Variants in PRKAR2B observed in about 807,000 individuals in gnomAD.
The protein encoded by PRKAR2B is cAMP-dependent protein kinase type II-beta regulatory subunit.
In PRKAR2B, 14 loss-of-function variants were observed where a neutral mutation model predicts 49.9. The observed-to-expected ratio is 0.28, with a 90% CI of 0.19 to 0.44. The LOEUF is 0.44. Among genes scored for constraint, PRKAR2B ranks in the 20% least tolerant of loss-of-function variants. PRKAR2B has a pLI of 1.00. For missense variants in PRKAR2B, 393 were observed against 537.9 expected, an observed-to-expected ratio of 0.73 and a Z score of 2.67; for synonymous variants, 196 against 197.7, an observed-to-expected ratio of 0.99 and a Z score of 0.07.
intron 1 of PRKAR2B, among the ~76,000 whole-genome samples, chr7:107,061,977 A>T (rs536143483): frequency 6.6e-6 from 1 of 152,264 alleles, no homozygotes; most frequent in South Asian, 2.1e-4. Flanking sequence ...ATAGTGAAAA[A>T]ACCACTGTAA....
intron 2 of PRKAR2B, among the ~76,000 whole-genome samples, chr7:107,110,396 G>A (rs1056999771): frequency 1.3e-5 from 2 of 152,058 alleles, no homozygotes; most frequent in Non-Finnish European, 2.9e-5. Flanking sequence ...AGAGCCATTG[G>A]ACTGGAGAGG....
chr7:107,085,666 T>C (rs566753856), intron 2 of PRKAR2B, among the ~76,000 whole-genome samples: 1 of 152,316 alleles, frequency 6.6e-6, no homozygotes, highest in East Asian at 1.9e-4. Flanking sequence ...ATTAAACTTA[T>C]ATCCAATTTT....
intron 1 of PRKAR2B, among the ~76,000 whole-genome samples, chr7:107,056,405 G>T (rs1793912345): frequency 3.3e-5 from 5 of 152,132 alleles, no homozygotes; most frequent in Admixed American, 3.3e-4. Context: ...ATTACCTTGG[G>T]CAGTATGGCC....
At chr7:107,127,834 G>A (rs371562798) in intron 3 of PRKAR2B, among the ~76,000 whole-genome samples, 13 of 152,238 alleles carry the variant, frequency 8.5e-5, no homozygotes, top group African/African-American at 3.1e-4. Context: ...CAAATTTTCA[G>A]TGTAGCTGCT....
chr7:107,076,941 AGGAACATATGCTTCCTTGATTCAC>A (rs1224515221), intron 2 of PRKAR2B, among the ~76,000 whole-genome samples: 1 of 152,212 alleles, frequency 6.6e-6, no homozygotes, highest in Non-Finnish European at 1.5e-5. Flanking sequence ...ATCTGATTCA[AGGAACATATGCTTCCTTGATTCAC>A]GGAACATATG....
At chr7:107,104,024 TC>T (rs1795024061) in intron 2 of PRKAR2B, among the ~76,000 whole-genome samples, 1 of 150,188 alleles carries the variant, frequency 6.7e-6, no homozygotes, top group African/African-American at 2.4e-5. Flanking sequence ...AATGTTTTTT[TC>T]TTTTTTTTTT....
chr7:107,076,276 A>G (rs1240186068), intron 2 of PRKAR2B, among the ~76,000 whole-genome samples: 3 of 152,142 alleles, frequency 2.0e-5, no homozygotes, highest in Non-Finnish European at 2.9e-5. Flanking sequence ...ATACGATACT[A>G]TTATCTCATA....
chr7:107,115,733 C>A (rs1795261661), intron 2 of PRKAR2B, among the ~76,000 whole-genome samples: 1 of 152,122 alleles, frequency 6.6e-6, no homozygotes, highest in Non-Finnish European at 1.5e-5. Context: ...TTTTGATAGT[C>A]ATCAGTGGTA....
chr7:107,066,854 G>C (rs186039153), intron 1 of PRKAR2B: 3,395 of 152,336 alleles, frequency 0.022, 55 homozygotes, highest in Non-Finnish European at 0.032. Context: ...GGGATTACAG[G>C]CGTGGGCCAC....
At chr7:107,153,593 G>A (rs1008154929) in intron 8 of PRKAR2B, among the ~76,000 whole-genome samples, 4 of 152,276 alleles carry the variant, frequency 2.6e-5, no homozygotes, top group African/African-American at 9.6e-5. Flanking sequence ...AGTTTTGCAT[G>A]ATCAGTTCAT....
At chr7:107,112,863 A>T (rs188141757) in intron 2 of PRKAR2B, among the ~76,000 whole-genome samples, 1 of 152,270 alleles carries the variant, frequency 6.6e-6, no homozygotes, top group Non-Finnish European at 1.5e-5. Flanking sequence ...TAGCATCAAT[A>T]ATTTTTTTAG....
chr7:107,066,477 T>TA (rs1794148172), intron 1 of PRKAR2B: 1 of 152,236 alleles, frequency 6.6e-6, no homozygotes, highest in Admixed American at 6.5e-5. Flanking sequence ...TTTTTATATT[T>TA]AAAAAGTGGT....
rs575774507 is a variant in PRKAR2B at position 107,091,913 on chromosome 7, G to T, written c.343+21597G>T. The T allele has an allele frequency of 5.3e-5, 8 of 152,278 alleles. No individual in the cohort carries two copies. In the East Asian group the frequency reaches 1.2e-3, roughly 22 times the overall value. The allele number at this position is 152,278 out of a possible 1,614,324, so 9.4% of individuals were successfully genotyped here. On this transcript the variant is annotated intron_variant, in intron 2 of 10. Transcript: ENST00000265717. ...GCGTTCTGTGTTTCTATGTAGAAGA[G>T]AGTATTTAATCCTAACTCATGTATT...
At chr7:107,086,846 C>T (rs190427678) in intron 2 of PRKAR2B, among the ~76,000 whole-genome samples, 37 of 152,208 alleles carry the variant, frequency 2.4e-4, no homozygotes, top group Non-Finnish European at 4.3e-4. Flanking sequence ...TATCTAATAT[C>T]GAACTATCCT....
At chr7:107,121,261 A>G (rs1795382003) in intron 2 of PRKAR2B, among the ~76,000 whole-genome samples, 1 of 152,086 alleles carries the variant, frequency 6.6e-6, no homozygotes, top group Admixed American at 6.5e-5. Context: ...AATATAGACA[A>G]ATATCGATGC....
intron 1 of PRKAR2B, among the ~76,000 whole-genome samples, chr7:107,047,246 C>A (rs944397889): frequency 2.6e-5 from 4 of 152,204 alleles, no homozygotes; most frequent in Admixed American, 6.5e-5. Flanking sequence ...GTACTTCCTT[C>A]TGTCAGATGC....
At chr7:107,101,861 C>T (rs1356649154) in intron 2 of PRKAR2B, among the ~76,000 whole-genome samples, 1 of 142,232 alleles carries the variant, frequency 7.0e-6, no homozygotes, top group Non-Finnish European at 1.5e-5. Flanking sequence ...TGGTTGATTT[C>T]CAGAGCCCTG....
At chr7:107,149,982 C>CT (rs1795954116) in intron 6 of PRKAR2B, among the ~76,000 whole-genome samples, 1 of 151,626 alleles carries the variant, frequency 6.6e-6, no homozygotes, top group Admixed American at 6.6e-5. Context: ...TATACACCTA[C>CT]TATGTACCCA....
intron 3 of PRKAR2B, 84 bp downstream of exon 3, chr7:107,122,088 G>A: frequency 2.2e-6 from 2 of 923,076 alleles, no homozygotes; most frequent in Non-Finnish European, 3.3e-6. Flanking sequence ...GATTTAACAG[G>A]CATGTAGGTT....
Sources: allele counts gnomAD v4.1 joint callset (sites outside exome capture counted in the v4.1 genomes callset), GRCh38; gene constraint gnomAD v4.1.1; transcripts MANE v1.5; gene names NCBI Gene and HGNC (gene_info 2026-07-23, HGNC 2026-07-21).